RNF128: variants seen among roughly 807,000 people sequenced by gnomAD.
The protein encoded by RNF128 is ring finger protein 128.
In RNF128, 13 loss-of-function variants were observed where a neutral mutation model predicts 26.2. The ratio of observed to expected loss-of-function variants is 0.50; its 90% CI spans 0.32 to 0.79. RNF128 has a LOEUF of 0.79. Ranked by LOEUF, RNF128 falls within the 30% of genes least tolerant of loss-of-function variation. RNF128 has a pLI of 0.03. For synonymous variants in RNF128, 149 were observed against 142.5 expected (o/e 1.05, Z -0.32); for missense variants, 315 against 349.7 (o/e 0.90, Z 0.79).
At chrX:106,750,694 T>C (rs1197967870) in intron 1 of RNF128, among the ~76,000 whole-genome samples, 2 of 110,822 alleles carry the variant, frequency 1.8e-5, no homozygotes, top group Non-Finnish European at 3.8e-5. Context: ...CCAAGCTTGA[T>C]TGTCTTTTCT....
intron 1 of RNF128, among the ~76,000 whole-genome samples, chrX:106,764,407 C>T (rs1054740953): frequency 3.6e-5 from 4 of 110,960 alleles, no homozygotes; most frequent in African/African-American, 1.3e-4. Flanking sequence ...TGGCTGACGC[C>T]TCTAATCCCT....
At chrX:106,714,136 T>A (rs904621229) in intron 1 of RNF128, among the ~76,000 whole-genome samples, 5 of 101,376 alleles carry the variant, frequency 4.9e-5, no homozygotes, top group African/African-American at 1.8e-4. Flanking sequence ...CGAGATGGCA[T>A]CACTGCACTC....
chrX:106,737,713 G>A (rs1208725930), intron 1 of RNF128, among the ~76,000 whole-genome samples: 1 of 111,606 alleles, frequency 9.0e-6, no homozygotes, highest in Non-Finnish European at 1.9e-5. Context: ...TTGGATGAAA[G>A]CTAGAAAAAA....
chrX:106,699,127 T>G (rs1050251062), intron 1 of RNF128, among the ~76,000 whole-genome samples: 1 of 112,180 alleles, frequency 8.9e-6, no homozygotes, highest in African/African-American at 3.2e-5. Flanking sequence ...CCTGGACCAC[T>G]GCAATAGCTT....
chrX:106,740,394 C>T (rs1569439476), intron 1 of RNF128, among the ~76,000 whole-genome samples: 1 of 111,320 alleles, frequency 9.0e-6, no homozygotes, highest in East Asian at 2.8e-4. Flanking sequence ...ACTAGTTCCA[C>T]CTGGTCTGAA....
intron 1 of RNF128, among the ~76,000 whole-genome samples, chrX:106,733,121 A>G (rs1209911743): frequency 9.0e-6 from 1 of 111,165 alleles, no homozygotes; most frequent in Non-Finnish European, 1.9e-5. Flanking sequence ...TAGGTATTAT[A>G]AATAATCTAG....
chrX:106,790,364 G>A (rs1360362500), intron 5 of RNF128, 82 bp downstream of exon 5: 32 of 642,841 alleles, frequency 5.0e-5, no homozygotes, highest in South Asian at 1.1e-4. Flanking sequence ...TTATTTTTTC[G>A]CTATGTAATA....
intron 1 of RNF128, among the ~76,000 whole-genome samples, chrX:106,749,999 C>CTT (rs1804256048): frequency 9.0e-6 from 1 of 111,638 alleles, no homozygotes; most frequent in African/African-American, 3.3e-5. Context: ...TGTAGTTAAG[C>CTT]TTTTTTAAGA....
At chrX:106,769,429 C>T (rs749624331) in intron 1 of RNF128, among the ~76,000 whole-genome samples, 21 of 110,873 alleles carry the variant, frequency 1.9e-4, no homozygotes, top group Admixed American at 9.6e-5. Context: ...TTAGGATAGT[C>T]AGCTCTTCTT....
At chrX:106,762,668 G>A (rs1047169520) in intron 1 of RNF128, among the ~76,000 whole-genome samples, 7 of 110,837 alleles carry the variant, frequency 6.3e-5, no homozygotes, top group African/African-American at 2.3e-4. Context: ...TTGGTTTGTT[G>A]TATAGGCAAA....
At chrX:106,701,960 T>C (rs959027651) in intron 1 of RNF128, among the ~76,000 whole-genome samples, 1 of 111,263 alleles carries the variant, frequency 9.0e-6, no homozygotes, top group African/African-American at 3.3e-5. Flanking sequence ...GTATATAACA[T>C]GTTACGCCTG....
At chrX:106,718,605 C>T (rs996179568) in intron 1 of RNF128, among the ~76,000 whole-genome samples, 2 of 109,891 alleles carry the variant, frequency 1.8e-5, no homozygotes. Flanking sequence ...TGATTCAATG[C>T]ATCTGGGCTT....
intron 1 of RNF128, among the ~76,000 whole-genome samples, chrX:106,698,540 C>T (rs886413420): frequency 2.7e-5 from 3 of 111,632 alleles, no homozygotes; most frequent in Non-Finnish European, 3.8e-5. Flanking sequence ...AAAACTAACT[C>T]AGATATGTAC....
intron 1 of RNF128, among the ~76,000 whole-genome samples, chrX:106,732,724 A>G (rs777411423): frequency 1.8e-5 from 2 of 111,957 alleles, no homozygotes; most frequent in African/African-American, 6.5e-5. Context: ...GCCTGGTTTT[A>G]TGGATTTTTA....
chrX:106,696,211 A>C (rs982207725), intron 1 of RNF128, among the ~76,000 whole-genome samples: 1 of 111,928 alleles, frequency 8.9e-6, no homozygotes, highest in Non-Finnish European at 1.9e-5. Context: ...GGCATTTACT[A>C]TATTTCAGGC....
chrX:106,739,033 A>C (rs191520124), intron 1 of RNF128, among the ~76,000 whole-genome samples: 1 of 111,684 alleles, frequency 9.0e-6, no homozygotes, highest in Non-Finnish European at 1.9e-5. Flanking sequence ...TTGTCTTTCC[A>C]AATACTTAAC....
intron 1 of RNF128, among the ~76,000 whole-genome samples, chrX:106,771,723 C>T (rs780112210): frequency 1.8e-5 from 2 of 112,853 alleles, no homozygotes; most frequent in African/African-American, 6.4e-5. Flanking sequence ...ATGGCCTGCC[C>T]TGCTCCGTGG....
upstream of RNF128, among the ~76,000 whole-genome samples, chrX:106,726,022 C>A (rs1231410646): frequency 8.9e-6 from 1 of 112,946 alleles, no homozygotes; most frequent in Non-Finnish European, 1.9e-5. Flanking sequence ...GCAGGAACAT[C>A]CGCTAGGGTA....
chrX:106,717,691 A>G (rs1271356751), intron 1 of RNF128, among the ~76,000 whole-genome samples: 1 of 112,284 alleles, frequency 8.9e-6, no homozygotes, highest in Non-Finnish European at 1.9e-5. Context: ...TCTATGCCCA[A>G]TGATAGTTAC....
Sources: allele counts gnomAD v4.1 joint callset (sites outside exome capture counted in the v4.1 genomes callset), GRCh38; gene constraint gnomAD v4.1.1; transcripts MANE v1.5; gene names NCBI Gene and HGNC (gene_info 2026-07-23, HGNC 2026-07-21).